Variants in NEUROG3 observed in about 807,000 individuals in gnomAD.
NEUROG3 encodes the protein neurogenin 3.
For missense variants in NEUROG3, 307 were observed against 297.9 expected, an observed-to-expected ratio of 1.03 and a Z score of -0.22; for synonymous variants, 161 against 139.2, an observed-to-expected ratio of 1.16 and a Z score of -1.10.
Position 69,572,487 on chromosome 10 carries a change from G to A in NEUROG3, c.557C>T (p.Ala186Val), listed in dbSNP as rs760598444. The change falls in exon 2 of 2, where the codon GCG (alanine) becomes GTG (valine). Residue 186 changes from alanine to valine, a missense_variant. Ala to Val is a moderately conservative substitution (Grantham distance 64). Transcript: ENST00000242462. ...VSQAGSLSPA[A>V]SLEERPGLLG... The stretch of plus-strand genomic sequence containing the variant: ...CAGCCCGGGTCGCTCCTCCAGCGAC[G>A]CGGCGGGACTCAGGCTGCCAGCCTG... The A allele has an allele frequency of 2.8e-5, 44 of 1,589,478 alleles. No individual in the cohort carries two copies. Among genetic ancestry groups the A allele is most frequent in the Middle Eastern group, 3.4e-4 (2 of 5,894 alleles).
chr10:69,572,618 C>A lies in NEUROG3; in HGVS notation c.426G>T (p.Ala142=), dbSNP rs369337011. ...IWALTQTLRI[A]DHSLYALEPP... is the part of the protein sequence containing the mutation. ...GCTCCAGCGCGTACAAGCTGTGGTC[C>A]GCTATGCGCAGCGTTTGAGTCAGCG... Residue 142 remains alanine, a synonymous_variant, in exon 2 of 2, where the codon GCG becomes GCT. Coordinates refer to ENST00000242462, the MANE Select transcript of NEUROG3 (RefSeq NM_020999.4). The A allele has an allele frequency of 8.1e-6, 13 of 1,614,024 alleles. No individual in the cohort carries two copies.
In NEUROG3 at chr10:69,572,124, G is replaced by C. The variant is rs535554161; in HGVS notation, c.*275C>G. The C allele has an allele frequency of 3.6e-6, 2 of 556,860 alleles. No homozygotes were observed. The highest frequency in any genetic ancestry group is 6.1e-5 in the East Asian group (2 of 32,860). The allele number at this position is 556,860 out of a possible 1,614,324, so 34.5% of individuals were successfully genotyped here. A position where few individuals can be genotyped will look rare whatever the true frequency, so the allele number is the denominator to read the frequency against. On this transcript the variant is annotated 3_prime_UTR_variant, in exon 2 of 2. Coordinates refer to ENST00000242462, the MANE Select transcript of NEUROG3 (RefSeq NM_020999.4). The stretch of plus-strand genomic sequence containing the variant: ...ATTCTTTGAATGAGATTATGGGGTG[G>C]TGGCAGAGAGGAGGCCTAAAATGAG...
At chr10:69,573,121 A>G (rs907223390) in intron 1 of NEUROG3, 77 bp from the exon 2 acceptor site, 1 of 1,519,838 alleles carries the variant, frequency 6.6e-7, no homozygotes, top group Non-Finnish European at 9.0e-7. Context: ...CTAGGTGGGA[A>G]AAAACAAAAA....
chr10:69,573,177 C>T, intron 1 of NEUROG3, 33 bp downstream of exon 1: 1 of 959,354 alleles, frequency 1.0e-6, no homozygotes, highest in Non-Finnish European at 1.6e-6. Context: ...CCCTCTTTCC[C>T]CTGCCCGTCC....
In NEUROG3 at chr10:69,573,309, C is replaced by G. The variant is rs1839244245; in HGVS notation, c.-101G>C. 3 of 556,158 alleles carry G rather than the reference C, an allele frequency of 5.4e-6. No homozygotes were observed. Among genetic ancestry groups the G allele is most frequent in the Admixed American group, 6.8e-5 (2 of 29,268 alleles). 34.5% of individuals were successfully genotyped at this position (556,158 alleles called of 1,614,324 possible). ...CAAGTTCAGCTGAGCTGCAGGCGCCCCCGCCTGGGAGTTGCCCCAGCCCCA... is the reference window on the plus strand; with the variant it reads ...CAAGTTCAGCTGAGCTGCAGGCGCCGCCGCCTGGGAGTTGCCCCAGCCCCA... On this transcript the variant is annotated 5_prime_UTR_variant, in exon 1 of 2. Coordinates refer to ENST00000242462, the MANE Select transcript of NEUROG3 (RefSeq NM_020999.4).
In NEUROG3 at chr10:69,572,383, C is replaced by T. The variant is rs140315328; in HGVS notation, c.*16G>A. On this transcript the variant is annotated 3_prime_UTR_variant, in exon 2 of 2. Transcript: ENST00000242462. Reference sequence around the variant, plus strand: ...CTTACCCTTAGCACCCACAGCCCAGCGACAGACAGGTCCTTTCACAGAAAA... The same window carrying T: ...CTTACCCTTAGCACCCACAGCCCAGTGACAGACAGGTCCTTTCACAGAAAA... 6.6e-4 allele frequency: 1,043 copies of T among 1,580,210 alleles called. 5 individuals carry two copies. In the African/African-American group the frequency reaches 0.013, roughly 19 times the overall value.
chr10:69,572,317 C>G lies in NEUROG3; in HGVS notation c.*82G>C. 1 of 1,470,240 alleles carries G rather than the reference C, an allele frequency of 6.8e-7. No homozygotes were observed. The highest frequency in any genetic ancestry group is 9.2e-7 in the Non-Finnish European group (1 of 1,089,450). The allele number at this position is 1,470,240 out of a possible 1,614,324, so 91.1% of individuals were successfully genotyped here. A position where few individuals can be genotyped will look rare whatever the true frequency, so the allele number is the denominator to read the frequency against. On this transcript the variant is annotated 3_prime_UTR_variant, in exon 2 of 2. Coordinates refer to ENST00000242462, the MANE Select transcript of NEUROG3 (RefSeq NM_020999.4). The stretch of plus-strand genomic sequence containing the variant: ...GAACAAGTGCTTTTGAGGGCCGCCG[C>G]CGTCGGCCACCCTCTACGGCTCCCG...
chr10:69,572,824 C>T lies in NEUROG3; in HGVS notation c.220G>A (p.Glu74Lys), dbSNP rs369879321. Residue 74 changes from glutamate to lysine, a missense_variant, in exon 2 of 2, where the codon GAG becomes AAG. Transcript: ENST00000242462. Reference protein sequence around the residue: ...RRGGRSRPKSELALSKQRRSR... With the variant: ...RRGGRSRPKSKLALSKQRRSR... Reference sequence around the variant, plus strand: ...CGTCGCTGCTTGCTCAGTGCCAACTCGCTCTTAGGCCGGCTGCGTCCCCCG... The same window carrying T: ...CGTCGCTGCTTGCTCAGTGCCAACTTGCTCTTAGGCCGGCTGCGTCCCCCG... The T allele has an allele frequency of 1.2e-6, 2 of 1,612,046 alleles. No individual in the cohort carries two copies. The highest frequency in any genetic ancestry group is 1.7e-5 in the Admixed American group (1 of 59,744).
At position 69,573,048 on chromosome 10, in the gene NEUROG3, C is replaced by A; in HGVS notation, c.-1-4G>T. 2.5e-6 allele frequency: 4 copies of A among 1,612,894 alleles called. No individual in the cohort carries two copies. Among genetic ancestry groups the A allele is most frequent in the Non-Finnish European group, 3.4e-6 (4 of 1,179,804 alleles). ...ACCCGAGGGTTGAGGCGTCATCCTACGGCGGGGTCAGAGGGAAGGGTAAGT... is the reference window on the plus strand; with the variant it reads ...ACCCGAGGGTTGAGGCGTCATCCTAAGGCGGGGTCAGAGGGAAGGGTAAGT... On this transcript the variant is annotated splice_polypyrimidine_tract_variant and splice_region_variant and intron_variant, in intron 1 of 1. Coordinates refer to ENST00000242462, the MANE Select transcript of NEUROG3 (RefSeq NM_020999.4).
Position 69,572,673 on chromosome 10 carries a change from G to A in NEUROG3, c.371C>T (p.Thr124Met). 2.5e-6 allele frequency: 4 copies of A among 1,614,136 alleles called. No homozygotes were observed. The highest frequency in any genetic ancestry group is 3.4e-6 in the Non-Finnish European group (4 of 1,179,966). ...PDDAKLTKIE[T>M]LRFAHNYIWA... ...GATGTAGTTGTGGGCGAAGCGCAGC[G>A]TCTCGATCTTGGTGAGCTTCGCGTC... The change falls in exon 2 of 2, where the codon ACG becomes ATG. Residue 124 changes from threonine (T) to methionine (M), a missense_variant. Thr to Met is a moderately conservative substitution (Grantham distance 81). Transcript: ENST00000242462.
Position 69,572,871 on chromosome 10 carries a change from G to T in NEUROG3, c.173C>A (p.Pro58Gln). The stretch of plus-strand genomic sequence containing the variant: ...CCCGCGCCGTGCCCGGAGCTTCCTC[G>T]GGGCCCCTCGGCAGCCTCCCTCTTC... ...EAEEGGCRGA[P>Q]RKLRARRGGR... Residue 58 changes from proline (P) to glutamine (Q), a missense_variant, in exon 2 of 2, where the codon CCG (proline) becomes CAG (glutamine). Coordinates refer to ENST00000242462, the MANE Select transcript of NEUROG3 (RefSeq NM_020999.4). 6.2e-7 allele frequency: 1 copy of T among 1,609,302 alleles called. No homozygotes were observed.
rs1382265827 is a variant in NEUROG3, at chr10:69,572,666, G to T, written c.378C>A (p.Arg126=). 1 of 1,614,040 alleles carries T rather than the reference G, an allele frequency of 6.2e-7. No individual in the cohort carries two copies. Among genetic ancestry groups the T allele is most frequent in the Non-Finnish European group, 8.5e-7 (1 of 1,179,986 alleles). The change falls in exon 2 of 2, where the codon CGC becomes CGA. Residue 126 remains arginine, a synonymous_variant. Transcript: ENST00000242462. ...GCGCCCAGATGTAGTTGTGGGCGAA[G>T]CGCAGCGTCTCGATCTTGGTGAGCT... ...DAKLTKIETL[R]FAHNYIWALT...
chr10:69,573,085 A>G, intron 1 of NEUROG3, 41 bp from the exon 2 acceptor site: 1 of 1,593,984 alleles, frequency 6.3e-7, no homozygotes, highest in East Asian at 2.2e-5. Flanking sequence ...TGAGTCCGTC[A>G]CTGGGCGCAG....
Position 69,572,516 on chromosome 10 carries a change from G to T in NEUROG3, c.528C>A (p.Val176=). 2 of 1,597,358 alleles carry T rather than the reference G, an allele frequency of 1.3e-6. No homozygotes were observed. Among genetic ancestry groups the T allele is most frequent in the Non-Finnish European group, 1.7e-6 (2 of 1,172,138 alleles). ...CGGGACTCAGGCTGCCAGCCTGGGA[G>T]ACTGGGGAGTAGAGGGACCCCCAGT... The part of the protein sequence containing the change: ...PGDWGSLYSP[V]SQAGSLSPAA... Residue 176 remains valine (V), a synonymous_variant, in exon 2 of 2, where the codon GTC becomes GTA. Transcript: ENST00000242462.
Position 69,572,620 on chromosome 10 carries a change from C to G in NEUROG3, c.424G>C (p.Ala142Pro), listed in dbSNP as rs933940757. The stretch of plus-strand genomic sequence containing the variant: ...TCCAGCGCGTACAAGCTGTGGTCCG[C>G]TATGCGCAGCGTTTGAGTCAGCGCC... ...IWALTQTLRI[A>P]DHSLYALEPP... The change falls in exon 2 of 2, where the codon GCG (alanine) becomes CCG (proline). Residue 142 changes from alanine to proline, a missense_variant. By Grantham distance (27) the Ala-to-Pro change is conservative. Coordinates refer to ENST00000242462, the MANE Select transcript of NEUROG3 (RefSeq NM_020999.4). 6.2e-7 allele frequency: 1 copy of G among 1,613,960 alleles called. No individual in the cohort carries two copies. The highest frequency in any genetic ancestry group is 8.5e-7 in the Non-Finnish European group (1 of 1,179,948).
Position 69,572,528 on chromosome 10 carries a change from G to C in NEUROG3, c.516C>G (p.Leu172=), listed in dbSNP as rs748496078. The part of the protein sequence containing the change: ...PGGSPGDWGS[L]YSPVSQAGSL... ...TGCCAGCCTGGGAGACTGGGGAGTA[G>C]AGGGACCCCCAGTCCCCGGGGGAAC... The change falls in exon 2 of 2, where the codon CTC becomes CTG. Residue 172 remains leucine (L), a synonymous_variant. Coordinates refer to ENST00000242462, the MANE Select transcript of NEUROG3 (RefSeq NM_020999.4). 5 of 1,602,052 alleles carry C rather than the reference G, an allele frequency of 3.1e-6. No individual in the cohort carries two copies. In the African/African-American group the frequency reaches 4.0e-5, roughly 13 times the overall value.
chr10:69,573,175 C>T, intron 1 of NEUROG3, 35 bp downstream of exon 1: 2 of 995,574 alleles, frequency 2.0e-6, no homozygotes, highest in Non-Finnish European at 3.0e-6. Flanking sequence ...ATCCCTCTTT[C>T]CCCTGCCCGT....
In NEUROG3 at chr10:69,572,256, T is replaced by G. The variant is rs1328831211; in HGVS notation, c.*143A>C. 1 of 980,590 alleles carries G rather than the reference T, an allele frequency of 1.0e-6. No homozygotes were observed. The highest frequency in any genetic ancestry group is 2.5e-5 in the Admixed American group (1 of 40,654). The allele number at this position is 980,590 out of a possible 1,614,324, so 60.7% of individuals were successfully genotyped here. On this transcript the variant is annotated 3_prime_UTR_variant, in exon 2 of 2. Coordinates refer to ENST00000242462, the MANE Select transcript of NEUROG3 (RefSeq NM_020999.4). ...CCAGCCTGCCGCCCCCGTGGAGGCCTGGGCCGGCCAGGGGTCAGCCAGGGA... is the reference window on the plus strand; with the variant it reads ...CCAGCCTGCCGCCCCCGTGGAGGCCGGGGCCGGCCAGGGGTCAGCCAGGGA...
chr10:69,573,034 G>A lies in NEUROG3; in HGVS notation c.10C>T (p.Gln4Ter). 1 of 1,613,528 alleles carries A rather than the reference G, an allele frequency of 6.2e-7. No homozygotes were observed. The highest frequency in any genetic ancestry group is 8.5e-7 in the Non-Finnish European group (1 of 1,179,962). The change falls in exon 2 of 2, where the codon CAA (glutamine) becomes TAA (stop). Residue 4 changes from glutamine (Q) to a stop codon, truncating the protein, a stop_gained. Transcript: ENST00000242462. LOFTEE classifies it low-confidence loss of function (END_TRUNC). MTP[Q>*]PSGAPTVQVT... ...TGGACAGTGGGCGCACCCGAGGGTT[G>A]AGGCGTCATCCTACGGCGGGGTCAG...
Sources: allele counts gnomAD v4.1 joint callset, GRCh38; gene constraint gnomAD v4.1.1; transcripts MANE v1.5; gene names NCBI Gene and HGNC (gene_info 2026-07-23, HGNC 2026-07-21).